The following SLC38A6 variants were observed in gnomAD, a reference collection of about 807,000 sequenced individuals.
SLC38A6 encodes N system amino acid transporter NAT-1.
A neutral mutation model predicts 65.0 loss-of-function variants in SLC38A6; 73 were observed. The observed-to-expected ratio is 1.12, with a 90% CI of 0.93 to 1.37. SLC38A6 has a LOEUF of 1.37. SLC38A6 is among the 40% of genes most tolerant of loss of function. SLC38A6 has a pLI of 0.00. For synonymous variants in SLC38A6, 183 were observed against 178.8 expected, an observed-to-expected ratio of 1.02 and a Z score of -0.19; for missense variants, 561 against 531.1, an observed-to-expected ratio of 1.06 and a Z score of -0.55.
At chr14:60,984,874 G>T (rs2037338594) in intron 3 of SLC38A6, 71 bp downstream of exon 3, 7 of 1,331,978 alleles carry the variant, frequency 5.3e-6, no homozygotes, top group Non-Finnish European at 7.5e-6. Context: ...TATAGAACTG[G>T]ATGTCTCAAA....
chr14:60,998,051 A>G (rs1019669744), intron 3 of SLC38A6, among the ~76,000 whole-genome samples: 6 of 139,422 alleles, frequency 4.3e-5, no homozygotes, highest in African/African-American at 1.3e-4. Flanking sequence ...CAAATACATA[A>G]GCAAATAATT....
chr14:61,033,078 G>A (rs1415098429), intron 6 of SLC38A6, among the ~76,000 whole-genome samples: 1 of 151,820 alleles, frequency 6.6e-6, no homozygotes, highest in East Asian at 1.9e-4. Context: ...TTTAAAATCT[G>A]TGGCTGTTAA....
At chr14:61,036,922 T>A (rs1426257307) in intron 6 of SLC38A6, 137 bp from the exon 7 acceptor site, 1 of 495,112 alleles carries the variant, frequency 2.0e-6, no homozygotes, top group East Asian at 3.4e-5. Context: ...TGAAAGGAAG[T>A]AGGCTTTTCC....
chr14:60,997,983 A>G (rs1236947192), intron 3 of SLC38A6, among the ~76,000 whole-genome samples: 2 of 152,114 alleles, frequency 1.3e-5, no homozygotes, highest in African/African-American at 4.8e-5. Context: ...ACTAATAAGA[A>G]AGAGATAAAT....
chr14:61,063,977 G>A (rs2042943095), intron 15 of SLC38A6, among the ~76,000 whole-genome samples: 1 of 152,202 alleles, frequency 6.6e-6, no homozygotes, highest in African/African-American at 2.4e-5. Flanking sequence ...CTGGACCAAT[G>A]AAATGAGTTT....
chr14:61,011,394 C>T (rs990160550), intron 3 of SLC38A6, among the ~76,000 whole-genome samples: 10 of 152,006 alleles, frequency 6.6e-5, no homozygotes, highest in Non-Finnish European at 1.2e-4. Flanking sequence ...CCTGATTGCC[C>T]TGGCCAGAAC....
chr14:60,982,549 A>T lies in SLC38A6; in HGVS notation c.147A>T (p.Leu49Phe), dbSNP rs2037138691. ...RQRSPGVSFG[L>F]SVFNLMNAIM... Reference sequence around the variant, plus strand: ...GATCCCCAGGTGTTTCATTTGGTTTATCAGTGTTTAATTTGATGAATGCCA... The same window carrying T: ...GATCCCCAGGTGTTTCATTTGGTTTTTCAGTGTTTAATTTGATGAATGCCA... The change falls in exon 2 of 16, where the codon TTA (leucine) becomes TTT (phenylalanine). Residue 49 changes from leucine (L) to phenylalanine (F), a missense_variant. Coordinates refer to ENST00000267488, the MANE Select transcript of SLC38A6 (RefSeq NM_153811.3). The T allele has an allele frequency of 6.2e-7, 1 of 1,613,976 alleles. No homozygotes were observed. The highest frequency in any genetic ancestry group is 8.5e-7 in the Non-Finnish European group (1 of 1,179,994).
At chr14:60,986,740 C>T (rs2037476667) in intron 3 of SLC38A6, among the ~76,000 whole-genome samples, 1 of 152,130 alleles carries the variant, frequency 6.6e-6, no homozygotes, top group Non-Finnish European at 1.5e-5. Flanking sequence ...ACTTTAACAT[C>T]TTGGTAGATT....
At chr14:61,042,387 C>T (rs779566373) in intron 8 of SLC38A6, among the ~76,000 whole-genome samples, 1 of 152,152 alleles carries the variant, frequency 6.6e-6, no homozygotes, top group East Asian at 1.9e-4. Flanking sequence ...CTGGAGCAAA[C>T]ATTTACAGAG....
chr14:61,065,111 G>GGTGT (rs149630138), intron 15 of SLC38A6, among the ~76,000 whole-genome samples: 2 of 150,514 alleles, frequency 1.3e-5, no homozygotes, highest in Non-Finnish European at 3.0e-5. Context: ...AAATCTTTGG[G>GGTGT]GTGTGTGTGT....
At chr14:61,079,891 C>T (rs1240673132) in intron 16 of SLC38A6, among the ~76,000 whole-genome samples, 2 of 152,164 alleles carry the variant, frequency 1.3e-5, no homozygotes, top group African/African-American at 4.8e-5. Flanking sequence ...ATGGGAGTTT[C>T]ACCTGTCTTT....
chr14:61,029,935 A>C (rs887321910), intron 5 of SLC38A6, among the ~76,000 whole-genome samples: 2 of 152,122 alleles, frequency 1.3e-5, no homozygotes, highest in African/African-American at 2.4e-5. Context: ...GGTGGGTAGT[A>C]GAGAGAGGAA....
At chr14:60,995,585 T>C (rs574341347) in intron 3 of SLC38A6, among the ~76,000 whole-genome samples, 4 of 152,156 alleles carry the variant, frequency 2.6e-5, no homozygotes, top group African/African-American at 9.6e-5. Context: ...AGAGTAGATT[T>C]CAGGTGCTTT....
At chr14:61,037,961 G>T (rs983113165) in intron 8 of SLC38A6, among the ~76,000 whole-genome samples, 8 of 152,176 alleles carry the variant, frequency 5.3e-5, no homozygotes, top group African/African-American at 1.9e-4. Flanking sequence ...GTAATTCTTT[G>T]TGTAGGTGTG....
intron 3 of SLC38A6, among the ~76,000 whole-genome samples, chr14:61,012,951 G>C (rs1444492185): frequency 1.3e-5 from 2 of 152,152 alleles, no homozygotes; most frequent in Non-Finnish European, 2.9e-5. Flanking sequence ...TTAACTTTCT[G>C]TCTCGTGGAT....
chr14:61,042,515 A>G (rs1183013448), intron 8 of SLC38A6, among the ~76,000 whole-genome samples: 1 of 152,312 alleles, frequency 6.6e-6, no homozygotes, highest in African/African-American at 2.4e-5. Flanking sequence ...TCATTGATTA[A>G]TTCTGGGAAA....
At chr14:61,050,055 GT>G (rs2042413583) in intron 12 of SLC38A6, among the ~76,000 whole-genome samples, 1 of 152,164 alleles carries the variant, frequency 6.6e-6, no homozygotes. Context: ...AAAAGATGCT[GT>G]CTCTAGCACC....
chr14:61,003,699 G>C (rs865787160), intron 3 of SLC38A6, among the ~76,000 whole-genome samples: 1 of 152,132 alleles, frequency 6.6e-6, no homozygotes, highest in Admixed American at 6.5e-5. Flanking sequence ...TGAGTATGTG[G>C]AGATCAAACA....
At position 61,049,148 on chromosome 14, in the gene SLC38A6, T is replaced by C. The variant is rs17097986; in HGVS notation, c.926-1364T>C. Among the ~76,000 whole-genome samples, 54 of 152,292 alleles carry C rather than the reference T, an allele frequency of 3.5e-4. No individual in the cohort carries two copies. The East Asian group carries it at 6.4e-3, about 18-fold the overall frequency. On this transcript the variant is annotated intron_variant, in intron 12 of 15. Transcript: ENST00000267488. ...TGGGGTCTCTTTTTCTTCCAATCCGTACTCCTGCTTTAGTTCAGATCATAA... is the reference window on the plus strand; with the variant it reads ...TGGGGTCTCTTTTTCTTCCAATCCGCACTCCTGCTTTAGTTCAGATCATAA...
Sources: gnomAD v4.1 joint callset for allele counts (sites outside exome capture counted in the v4.1 genomes callset) on GRCh38, gnomAD v4.1.1 for gene constraint, MANE v1.5 for transcripts, NCBI Gene and HGNC (gene_info 2026-07-23, HGNC 2026-07-21) for gene names.